The following MGAT5 variants were observed in gnomAD, a reference collection of about 807,000 sequenced individuals.
MGAT5 encodes alpha-1,6-mannosylglycoprotein 6-beta-N-acetylglucosaminyltransferase A.
Under a neutral mutation model 94.3 loss-of-function variants are expected in MGAT5, and 30 were observed. The ratio of observed to expected loss-of-function variants is 0.32; its 90% CI spans 0.24 to 0.43. MGAT5 has a LOEUF of 0.43. MGAT5 is among the 20% of genes least tolerant of loss of function. The pLI, the probability that MGAT5 is intolerant of heterozygous loss-of-function variation, is 1.00. For missense variants in MGAT5, 691 were observed against 905.5 expected (o/e 0.76, Z 3.04); for synonymous variants, 310 against 322.9 (o/e 0.96, Z 0.43).
At chr2:134,157,962 G>A (rs182383395) in intron 1 of MGAT5, among the ~76,000 whole-genome samples, 2 of 152,332 alleles carry the variant, frequency 1.3e-5, no homozygotes, top group Admixed American at 1.3e-4. Flanking sequence ...CTCAGCTGAG[G>A]GGAGACCCAC....
chr2:134,355,746 G>T (rs1320537363), intron 9 of MGAT5, among the ~76,000 whole-genome samples: 1 of 152,160 alleles, frequency 6.6e-6, no homozygotes, highest in Non-Finnish European at 1.5e-5. Flanking sequence ...CTAATTATCT[G>T]CACCACACCC....
intron 12 of MGAT5, 101 bp downstream of exon 12, chr2:134,413,116 G>T (rs563827495): frequency 7.5e-7 from 1 of 1,335,438 alleles, no homozygotes; most frequent in Non-Finnish European, 1.0e-6. Context: ...GATTGGGTGG[G>T]AGGGTGAGGG....
chr2:134,203,078 CT>C (rs1306864912), intron 1 of MGAT5, among the ~76,000 whole-genome samples: 3 of 152,132 alleles, frequency 2.0e-5, no homozygotes, highest in African/African-American at 4.8e-5. Context: ...AATAATATAA[CT>C]TTTTTTATGG....
At chr2:134,319,384 G>A (rs1455512725) in intron 4 of MGAT5, among the ~76,000 whole-genome samples, 1 of 152,090 alleles carries the variant, frequency 6.6e-6, no homozygotes, top group Non-Finnish European at 1.5e-5. Context: ...CATTCAGCTT[G>A]GGTTAGGTAT....
intron 14 of MGAT5, among the ~76,000 whole-genome samples, chr2:134,438,397 A>G (rs1053913727): frequency 1.3e-5 from 2 of 152,224 alleles, no homozygotes; most frequent in Non-Finnish European, 2.9e-5. Context: ...AAAACAACCA[A>G]AAAACACTTT....
At chr2:134,223,381 G>A (rs969447531) in intron 1 of MGAT5, among the ~76,000 whole-genome samples, 1 of 152,120 alleles carries the variant, frequency 6.6e-6, no homozygotes, top group African/African-American at 2.4e-5. Flanking sequence ...GGGGCCAGTG[G>A]GATGCCAAAT....
At chr2:134,269,586 C>CT (rs947931483) in intron 1 of MGAT5, among the ~76,000 whole-genome samples, 1 of 152,152 alleles carries the variant, frequency 6.6e-6, no homozygotes, top group African/African-American at 2.4e-5. Context: ...CTTATCTTTT[C>CT]TTTTTTCTTT....
Position 134,189,592 on chromosome 2 carries a change from G to GTTTTTTTTTTTTTTTTTTTTTTTT in MGAT5, c.-142-64661_-142-64660insTTTTTTTTTTTTTTTTTTTTTTTT, listed in dbSNP as rs113582076. ...ACATATGACTAACCTCATGGCTCTA[G>GTTTTTTTTTTTTTTTTTTTTTTTT]TTTTTTTTTGTTTTTTTTTTTTTTT... On this transcript the variant is annotated intron_variant, in intron 1 of 16. Transcript: ENST00000409645. Among the ~76,000 whole-genome samples, 35 of 56,278 alleles carry GTTTTTTTTTTTTTTTTTTTTTTTT rather than the reference G, an allele frequency of 6.2e-4. 4 individuals are homozygous for GTTTTTTTTTTTTTTTTTTTTTTTT. Among genetic ancestry groups the GTTTTTTTTTTTTTTTTTTTTTTTT allele is most frequent in the African/African-American group, 1.6e-3 (26 of 16,096 alleles). The allele number at this position is 56,278 out of a possible 152,430, so 36.9% of individuals were successfully genotyped here. A position where few individuals can be genotyped will look rare whatever the true frequency, so the allele number is the denominator to read the frequency against.
At chr2:134,354,837 C>G (rs143680887) in intron 9 of MGAT5, among the ~76,000 whole-genome samples, 3 of 152,260 alleles carry the variant, frequency 2.0e-5, no homozygotes, top group Non-Finnish European at 4.4e-5. Context: ...TTCTAGGCCC[C>G]CATTCCTGCT....
At chr2:134,302,241 C>T (rs1686063146) in intron 2 of MGAT5, among the ~76,000 whole-genome samples, 1 of 152,066 alleles carries the variant, frequency 6.6e-6, no homozygotes, top group Non-Finnish European at 1.5e-5. Flanking sequence ...AGTTTGCCAT[C>T]CCTTGTTACA....
At chr2:134,241,286 A>G (rs779752761) in intron 1 of MGAT5, among the ~76,000 whole-genome samples, 4 of 152,238 alleles carry the variant, frequency 2.6e-5, no homozygotes, top group African/African-American at 4.8e-5. Context: ...ATTCCCCACT[A>G]TGGTTTCTTC....
chr2:134,196,988 T>A (rs1679525495), intron 1 of MGAT5, among the ~76,000 whole-genome samples: 1 of 152,216 alleles, frequency 6.6e-6, no homozygotes, highest in Admixed American at 6.5e-5. Context: ...TCAACTACTT[T>A]AAAAAATACT....
intron 1 of MGAT5, among the ~76,000 whole-genome samples, chr2:134,215,557 G>T (rs1172965666): frequency 6.6e-6 from 1 of 152,138 alleles, no homozygotes; most frequent in Non-Finnish European, 1.5e-5. Context: ...TCTCAAGGAA[G>T]CTTATCCATT....
At chr2:134,173,843 A>G (rs1253542326) in intron 1 of MGAT5, among the ~76,000 whole-genome samples, 1 of 152,190 alleles carries the variant, frequency 6.6e-6, no homozygotes, top group Admixed American at 6.5e-5. Flanking sequence ...TAATCCTTTA[A>G]ATAGCCTTCA....
At position 134,414,061 on chromosome 2, in the gene MGAT5, T is replaced by A. The variant is rs551496626; in HGVS notation, c.1677+1046T>A. 2.6e-5 allele frequency among the ~76,000 whole-genome samples: 4 copies of A among 152,210 alleles called. No individual in the cohort carries two copies. The South Asian group carries it at 8.3e-4, about 32-fold the overall frequency. ...TCATTGGTGAAATAGCCAAAGGAGA[T>A]AGAAGTTCAATAAGATCTATGTTTA... On this transcript the variant is annotated intron_variant, in intron 12 of 15. Coordinates refer to ENST00000281923, the MANE Select transcript of MGAT5 (RefSeq NM_002410.5).
rs1396965841 is a variant in MGAT5 at position 134,318,694 on chromosome 2, T to C, written c.528T>C (p.Tyr176=). 1 of 1,613,604 alleles carries C rather than the reference T, an allele frequency of 6.2e-7. No individual in the cohort carries two copies. Among genetic ancestry groups the C allele is most frequent in the East Asian group, 2.2e-5 (1 of 44,862 alleles). The change falls in exon 4 of 16, where the codon TAT becomes TAC. Residue 176 remains tyrosine (Y), a synonymous_variant. Coordinates refer to ENST00000281923, the MANE Select transcript of MGAT5 (RefSeq NM_002410.5). Reference sequence around the variant, plus strand: ...GTTCAGATCCCTGCTACGCAGACTATGGAGTGGATGGATCCACCTGCTCTT... The same window carrying C: ...GTTCAGATCCCTGCTACGCAGACTACGGAGTGGATGGATCCACCTGCTCTT... ...MWRSDPCYAD[Y]GVDGSTCSFF...
intron 2 of MGAT5, among the ~76,000 whole-genome samples, chr2:134,282,210 A>G (rs1186947885): frequency 6.6e-6 from 1 of 152,234 alleles, no homozygotes; most frequent in Non-Finnish European, 1.5e-5. Flanking sequence ...TCTATGCCAC[A>G]TGGGGAGGAT....
chr2:134,157,616 A>C (rs1334052502), intron 1 of MGAT5, among the ~76,000 whole-genome samples: 1 of 152,104 alleles, frequency 6.6e-6, no homozygotes, highest in Admixed American at 6.5e-5. Context: ...GGATGATTCA[A>C]GTACGTTACA....
intron 1 of MGAT5, among the ~76,000 whole-genome samples, chr2:134,201,816 CTTTTTTTT>C (rs554227745): frequency 1.5e-4 from 10 of 67,860 alleles, no homozygotes; most frequent in African/African-American, 3.6e-4. Context: ...CCAAGCGCTG[CTTTTTTTT>C]TTTTTTTTTT....
Sources: allele counts gnomAD v4.1 joint callset (sites outside exome capture counted in the v4.1 genomes callset), GRCh38; gene constraint gnomAD v4.1.1; transcripts MANE v1.5; gene names NCBI Gene and HGNC (gene_info 2026-07-23, HGNC 2026-07-21).